CCSER1: variants seen among roughly 807,000 people sequenced by gnomAD.
CCSER1 encodes coiled-coil serine rich protein 1, also known as serine-rich coiled-coil domain-containing protein 1.
A neutral mutation model predicts 82.0 loss-of-function variants in CCSER1; 41 were observed. The observed-to-expected ratio is 0.50, with a 90% CI of 0.39 to 0.65. CCSER1 has a LOEUF of 0.65. CCSER1 is among the 30% of genes least tolerant of loss of function. The pLI, the probability that CCSER1 is intolerant of heterozygous loss-of-function variation, is 0.00. For missense variants in CCSER1, 1,119 were observed against 1,064.2 expected, an observed-to-expected ratio of 1.05 and a Z score of -0.72; for synonymous variants, 414 against 383.9, an observed-to-expected ratio of 1.08 and a Z score of -0.92.
At chr4:90,791,611 G>A (rs1439875947) in intron 7 of CCSER1, among the ~76,000 whole-genome samples, 1 of 151,886 alleles carries the variant, frequency 6.6e-6, no homozygotes, top group Non-Finnish European at 1.5e-5. Flanking sequence ...AGCACTTTGG[G>A]AGGCCAAGGC....
At chr4:90,653,401 T>G (rs1274679450) in intron 6 of CCSER1, among the ~76,000 whole-genome samples, 2 of 152,118 alleles carry the variant, frequency 1.3e-5, no homozygotes, top group Non-Finnish European at 2.9e-5. Flanking sequence ...TGTGCCAATG[T>G]TATTTTTTCT....
intron 3 of CCSER1, among the ~76,000 whole-genome samples, chr4:90,371,421 A>G (rs540637856): frequency 1.4e-4 from 22 of 152,266 alleles, no homozygotes; most frequent in African/African-American, 4.8e-4. Flanking sequence ...AAGATATGAC[A>G]TATTTTGCAC....
intron 5 of CCSER1, among the ~76,000 whole-genome samples, chr4:90,611,980 C>T (rs550457770): frequency 4.6e-5 from 7 of 151,534 alleles, no homozygotes. Context: ...ACTTTTTACA[C>T]TCTTTCTTAA....
chr4:90,576,910 A>G (rs936074894), intron 5 of CCSER1, among the ~76,000 whole-genome samples: 2 of 152,158 alleles, frequency 1.3e-5, no homozygotes, highest in African/African-American at 4.8e-5. Context: ...GCTAGATCAT[A>G]TAGTAAGTAA....
chr4:90,814,243 C>T (rs765853086), intron 7 of CCSER1, among the ~76,000 whole-genome samples: 1 of 152,190 alleles, frequency 6.6e-6, no homozygotes, highest in Non-Finnish European at 1.5e-5. Flanking sequence ...CAGCAGGGCC[C>T]TGGACACAGC....
intron 5 of CCSER1, among the ~76,000 whole-genome samples, chr4:90,476,410 A>G (rs1765116610): frequency 6.6e-6 from 1 of 152,126 alleles, no homozygotes; most frequent in African/African-American, 2.4e-5. Flanking sequence ...AGTGGTGGAC[A>G]GAGCTTAGAG....
intron 10 of CCSER1, among the ~76,000 whole-genome samples, chr4:91,430,663 A>G (rs1047202645): frequency 1.3e-5 from 2 of 152,238 alleles, no homozygotes; most frequent in Non-Finnish European, 2.9e-5. Flanking sequence ...CACATGGCAA[A>G]ACAAAGAATA....
chr4:90,692,166 G>A (rs968055004), intron 6 of CCSER1, among the ~76,000 whole-genome samples: 2 of 150,802 alleles, frequency 1.3e-5, no homozygotes, highest in African/African-American at 4.9e-5. Flanking sequence ...TAAAGTTAAA[G>A]ATAAATTACT....
At chr4:90,391,466 AT>A (rs1751071760) in intron 3 of CCSER1, among the ~76,000 whole-genome samples, 1 of 91,400 alleles carries the variant, frequency 1.1e-5, no homozygotes, top group Admixed American at 1.1e-4. Context: ...ATATATATAT[AT>A]ATATATATAT....
At chr4:90,184,670 G>A (rs1024298625) in intron 1 of CCSER1, among the ~76,000 whole-genome samples, 3 of 152,074 alleles carry the variant, frequency 2.0e-5, no homozygotes, top group Non-Finnish European at 4.4e-5. Flanking sequence ...AACTTAACCA[G>A]GTAAAGTGTT....
chr4:91,285,495 A>G (rs1476657754), intron 10 of CCSER1, among the ~76,000 whole-genome samples: 2 of 151,902 alleles, frequency 1.3e-5, no homozygotes, highest in Admixed American at 6.6e-5. Context: ...AAGTGTATTT[A>G]TATGTAAATA....
chr4:90,608,552 G>C (rs1345516519), intron 5 of CCSER1, among the ~76,000 whole-genome samples: 1 of 152,134 alleles, frequency 6.6e-6, no homozygotes, highest in Non-Finnish European at 1.5e-5. Flanking sequence ...ACACCAGGGA[G>C]TGGAATCTTA....
At chr4:90,920,715 C>G (rs765417021) in intron 8 of CCSER1, among the ~76,000 whole-genome samples, 17 of 151,744 alleles carry the variant, frequency 1.1e-4, no homozygotes, top group Non-Finnish European at 1.9e-4. Context: ...CTATAGAATG[C>G]GAATTGTCTT....
At chr4:91,381,208 T>C (rs1750863069) in intron 10 of CCSER1, among the ~76,000 whole-genome samples, 2 of 152,178 alleles carry the variant, frequency 1.3e-5, no homozygotes, top group African/African-American at 2.4e-5. Context: ...CTTTGGTGAA[T>C]CTGACAATTA....
chr4:90,782,677 C>CTTTTT (rs1561127476), intron 7 of CCSER1, among the ~76,000 whole-genome samples: 3 of 95,278 alleles, frequency 3.1e-5, no homozygotes, highest in African/African-American at 1.4e-4. Flanking sequence ...TCTTTCTTTT[C>CTTTTT]TTTCTTTCTT....
chr4:91,177,310 G>C (rs967688861), intron 10 of CCSER1, among the ~76,000 whole-genome samples: 1 of 152,174 alleles, frequency 6.6e-6, no homozygotes, highest in African/African-American at 2.4e-5. Flanking sequence ...CCAGGCTTTG[G>C]TATCAGGATG....
chr4:91,091,527 C>A (rs2214384), intron 10 of CCSER1, among the ~76,000 whole-genome samples: 105,465 of 152,114 alleles, frequency 0.69, 37,773 homozygotes, highest in African/African-American at 0.87. Context: ...TTTACCACAC[C>A]AGTCCATGTT....
intron 10 of CCSER1, among the ~76,000 whole-genome samples, chr4:91,269,446 A>T (rs1017119367): frequency 1.6e-4 from 24 of 152,194 alleles, no homozygotes; most frequent in African/African-American, 5.8e-4. Context: ...GGTGCTACAT[A>T]AAAGCTTGAA....
At chr4:90,728,894 A>C (rs1348346669) in intron 7 of CCSER1, among the ~76,000 whole-genome samples, 1 of 152,152 alleles carries the variant, frequency 6.6e-6, no homozygotes, top group East Asian at 1.9e-4. Context: ...TTTTAAGAAA[A>C]ATTTTCTGTA....
Sources: gnomAD v4.1 joint callset for allele counts (sites outside exome capture counted in the v4.1 genomes callset) on GRCh38, gnomAD v4.1.1 for gene constraint, MANE v1.5 for transcripts, NCBI Gene and HGNC (gene_info 2026-07-23, HGNC 2026-07-21) for gene names.